CSMD1: variants seen among roughly 807,000 people sequenced by gnomAD.
The protein encoded by CSMD1 is CUB and Sushi multiple domains 1.
Under a neutral mutation model 417.5 loss-of-function variants are expected in CSMD1, and 213 were observed. That is an observed-to-expected ratio of 0.51 (90% CI 0.46 to 0.57). CSMD1 has a LOEUF of 0.57. CSMD1 is among the 20% of genes least tolerant of loss of function. The probability of loss-of-function intolerance (pLI) is 0.00; values close to 1 mark genes in which losing one functional copy is unlikely to be tolerated. For synonymous variants in CSMD1, 2,862 were observed against 1,736.8 expected, an observed-to-expected ratio of 1.65 and a Z score of -16.11; for missense variants, 6,923 against 4,529.7, an observed-to-expected ratio of 1.53 and a Z score of -15.17.
chr8:4,475,052 C>G (rs573084937), intron 2 of CSMD1, among the ~76,000 whole-genome samples: 2 of 152,170 alleles, frequency 1.3e-5, no homozygotes, highest in Admixed American at 6.5e-5. Context: ...GTGTCCTAAC[C>G]TCTGTGTTAT....
chr8:3,521,576 T>C (rs528435852), intron 10 of CSMD1, among the ~76,000 whole-genome samples: 39 of 152,346 alleles, frequency 2.6e-4, no homozygotes, highest in African/African-American at 9.1e-4. Flanking sequence ...GATCTATTAC[T>C]GACCATCATT....
intron 10 of CSMD1, among the ~76,000 whole-genome samples, chr8:3,573,346 A>T (rs908142485): frequency 6.6e-6 from 1 of 152,226 alleles, no homozygotes; most frequent in Non-Finnish European, 1.5e-5. Flanking sequence ...ACTGAGTAAC[A>T]AACCATTGAG....
rs544521823 is a variant in CSMD1, at chr8:3,533,107, T to G, written c.1345-39381A>C. On this transcript the variant is annotated intron_variant, in intron 10 of 69. Coordinates refer to ENST00000635120, the MANE Select transcript of CSMD1 (RefSeq NM_033225.6). ...GTACCTTTCCATCACCATCTTGGCA[T>G]GAAGGAAAAGCATGAAAGGACTTAT... 3.1e-4 allele frequency among the ~76,000 whole-genome samples: 47 copies of G among 152,260 alleles called. 1 individual carries two copies. Among genetic ancestry groups the G allele is most frequent in the Admixed American group, 2.7e-3 (41 of 15,290 alleles).
At chr8:3,991,087 C>T (rs1434677591) in intron 5 of CSMD1, among the ~76,000 whole-genome samples, 7 of 152,316 alleles carry the variant, frequency 4.6e-5, no homozygotes, top group East Asian at 1.9e-4. Context: ...CGCTGCCCAG[C>T]GGCTTCATCC....
intron 54 of CSMD1, among the ~76,000 whole-genome samples, chr8:2,989,456 T>C (rs1159431279): frequency 6.6e-6 from 1 of 152,220 alleles, no homozygotes; most frequent in East Asian, 1.9e-4. Context: ...GATGGTCCAT[T>C]AACCTCCTCC....
intron 23 of CSMD1, among the ~76,000 whole-genome samples, chr8:3,339,719 T>G (rs529905126): frequency 1.3e-5 from 2 of 152,268 alleles, no homozygotes; most frequent in Admixed American, 6.5e-5. Context: ...GGAATACAAT[T>G]TGAATGACAA....
chr8:3,561,928 G>C lies in CSMD1; in HGVS notation c.1344+13017C>G, dbSNP rs567079984. ...AGAGGCTTCTGCATAAGCGAGGGAT[G>C]CAGATGATCTCCCGTGAGCTGCGTG... On this transcript the variant is annotated intron_variant, in intron 10 of 69. Transcript: ENST00000635120. Among the ~76,000 whole-genome samples the C allele has an allele frequency of 7.9e-5, 12 of 152,274 alleles. No individual in the cohort carries two copies. The South Asian group carries it at 2.1e-3, about 26-fold the overall frequency.
At chr8:3,924,637 T>C (rs1308571992) in intron 5 of CSMD1, among the ~76,000 whole-genome samples, 1 of 152,168 alleles carries the variant, frequency 6.6e-6, no homozygotes. Context: ...ATTGGTTGAG[T>C]CTGCTGTTTA....
At chr8:4,019,740 G>A (rs138936671) in intron 4 of CSMD1, among the ~76,000 whole-genome samples, 1 of 152,000 alleles carries the variant, frequency 6.6e-6, no homozygotes, top group Non-Finnish European at 1.5e-5. Flanking sequence ...GCCTGTTGTA[G>A]AAGTAGTTTT....
intron 3 of CSMD1, among the ~76,000 whole-genome samples, chr8:4,354,407 A>T (rs540008394): frequency 9.2e-5 from 14 of 152,324 alleles, no homozygotes; most frequent in African/African-American, 3.4e-4. Context: ...ACCGTTCCCC[A>T]ACAGAACTGA....
chr8:4,731,049 G>A (rs780589498), intron 1 of CSMD1, among the ~76,000 whole-genome samples: 5 of 152,272 alleles, frequency 3.3e-5, no homozygotes, highest in Non-Finnish European at 5.9e-5. Context: ...AGAGTATGGA[G>A]GGTCTGTGGG....
chr8:4,297,423 C>T (rs562075171), intron 3 of CSMD1, among the ~76,000 whole-genome samples: 39 of 152,124 alleles, frequency 2.6e-4, no homozygotes, highest in African/African-American at 6.0e-4. Context: ...GAATGTTAAA[C>T]GGTATTAAGG....
At chr8:4,146,054 G>A (rs1234050641) in intron 3 of CSMD1, among the ~76,000 whole-genome samples, 1 of 150,730 alleles carries the variant, frequency 6.6e-6, no homozygotes, top group Non-Finnish European at 1.5e-5. Flanking sequence ...TAGCAACATT[G>A]CAGACACTTG....
chr8:2,978,570 G>T (rs753113037), intron 55 of CSMD1, 42 bp downstream of exon 55: 3 of 1,475,798 alleles, frequency 2.0e-6, no homozygotes, highest in Non-Finnish European at 9.1e-7. Flanking sequence ...TGGTGACCTT[G>T]CAGGGGTCTC....
intron 8 of CSMD1, among the ~76,000 whole-genome samples, chr8:3,598,748 C>T (rs1801213032): frequency 6.6e-6 from 1 of 152,082 alleles, no homozygotes; most frequent in Non-Finnish European, 1.5e-5. Flanking sequence ...GTAATTTCCC[C>T]CCGCCCCTTC....
intron 3 of CSMD1, among the ~76,000 whole-genome samples, chr8:4,104,528 C>A (rs753853415): frequency 1.3e-5 from 2 of 152,174 alleles, no homozygotes; most frequent in Non-Finnish European, 2.9e-5. Context: ...CCTCCCACAC[C>A]CTAAATTTGC....
chr8:3,917,799 G>A (rs1199838717), intron 5 of CSMD1, among the ~76,000 whole-genome samples: 1 of 151,964 alleles, frequency 6.6e-6, no homozygotes, highest in East Asian at 1.9e-4. Context: ...TATTAGTTTT[G>A]CCATTAGCAA....
At chr8:3,757,526 A>C (rs1797725964) in intron 5 of CSMD1, among the ~76,000 whole-genome samples, 1 of 152,214 alleles carries the variant, frequency 6.6e-6, no homozygotes, top group Non-Finnish European at 1.5e-5. Context: ...TTTGGCCTGC[A>C]GGTACTAGTT....
chr8:3,947,127 G>A (rs74527684), intron 5 of CSMD1, among the ~76,000 whole-genome samples: 23,211 of 152,162 alleles, frequency 0.15, 2,561 homozygotes, highest in African/African-American at 0.31. Context: ...AATTGATTCA[G>A]TCTTTCATCA....
Sources: allele counts gnomAD v4.1 joint callset (sites outside exome capture counted in the v4.1 genomes callset), GRCh38; gene constraint gnomAD v4.1.1; transcripts MANE v1.5; gene names NCBI Gene and HGNC (gene_info 2026-07-23, HGNC 2026-07-21).